The following PARM1 variants were observed in gnomAD, a reference collection of about 807,000 sequenced individuals.
PARM1 encodes the protein WSC4, cell wall integrity and stress response component 4 homolog.
In PARM1, 14 loss-of-function variants were observed where a neutral mutation model predicts 24.6. The ratio of observed to expected loss-of-function variants is 0.57; its 90% confidence interval spans 0.38 to 0.89. The LOEUF (loss-of-function observed/expected upper bound fraction) is 0.89, where lower values mean the gene tolerates loss of function less well. Among genes scored for constraint, PARM1 ranks in the 40% least tolerant of loss-of-function variants. The pLI is 0.00. For synonymous variants in PARM1, 179 were observed against 156.6 expected, an observed-to-expected ratio of 1.14 and a Z score of -1.07; for missense variants, 362 against 380.4, an observed-to-expected ratio of 0.95 and a Z score of 0.40.
intron 2 of PARM1, among the ~76,000 whole-genome samples, chr4:75,024,960 G>T (rs1163047606): frequency 6.6e-6 from 1 of 152,322 alleles, no homozygotes; most frequent in Non-Finnish European, 1.5e-5. Context: ...CTCCCAAAGT[G>T]CCGGGATTAC....
chr4:75,009,351 A>G, intron 1 of PARM1, among the ~76,000 whole-genome samples: 1 of 152,364 alleles, frequency 6.6e-6, no homozygotes, highest in East Asian at 1.9e-4. Flanking sequence ...AGCAGATTTT[A>G]GCCTAGTACC....
chr4:75,007,204 T>A (rs1722789954), intron 1 of PARM1, among the ~76,000 whole-genome samples: 1 of 152,150 alleles, frequency 6.6e-6, no homozygotes, highest in Admixed American at 6.5e-5. Flanking sequence ...AGAATGGTGA[T>A]CATTAAAAAG....
At position 74,993,250 on chromosome 4, in the gene PARM1, G is replaced by T. The variant is rs565190387; in HGVS notation, c.44-19175G>T. Among the ~76,000 whole-genome samples, 3 of 152,224 alleles carry T rather than the reference G, an allele frequency of 2.0e-5. No homozygotes were observed. The South Asian group carries it at 6.2e-4, about 32-fold the overall frequency. On this transcript the variant is annotated intron_variant, in intron 1 of 3. Coordinates refer to ENST00000307428, the MANE Select transcript of PARM1 (RefSeq NM_015393.4). ...GAAGCCCATGTGGCAAAGAACTGAG[G>T]GTAGCCTCTGGCCAGTAGCCATGAA...
At position 75,007,974 on chromosome 4, in the gene PARM1, C is replaced by T. The variant is rs571370030; in HGVS notation, c.44-4451C>T. 4.3e-4 allele frequency among the ~76,000 whole-genome samples: 65 copies of T among 152,216 alleles called. 1 individual carries two copies. In the South Asian group the frequency reaches 0.01, roughly 24 times the overall value. On this transcript the variant is annotated intron_variant, in intron 1 of 3. Coordinates refer to ENST00000307428, the MANE Select transcript of PARM1 (RefSeq NM_015393.4). ...TTGAGCTTCCTAGCCTTTACAACTG[C>T]GAAAATTAAATTTCTGTTGTTTAAG...
chr4:74,941,596 A>C (rs1721311584), intron 1 of PARM1, among the ~76,000 whole-genome samples: 1 of 152,238 alleles, frequency 6.6e-6, no homozygotes, highest in South Asian at 2.1e-4. Context: ...CTTCAAATTT[A>C]TATGAATATA....
At chr4:74,947,584 GATA>G (rs1317717928) in intron 1 of PARM1, among the ~76,000 whole-genome samples, 2 of 152,112 alleles carry the variant, frequency 1.3e-5, no homozygotes, top group Admixed American at 6.5e-5. Context: ...TTTTCAATAT[GATA>G]ATAATATAAC....
At chr4:74,934,062 A>G (rs1247063778) in intron 1 of PARM1, among the ~76,000 whole-genome samples, 2 of 152,064 alleles carry the variant, frequency 1.3e-5, no homozygotes. Context: ...CTCCCCCTGC[A>G]CCACCTCTGA....
At chr4:74,997,335 C>G (rs1259168916) in intron 1 of PARM1, among the ~76,000 whole-genome samples, 1 of 152,190 alleles carries the variant, frequency 6.6e-6, no homozygotes, top group East Asian at 1.9e-4. Context: ...AAAAAGTTCT[C>G]TCTCTCTGAT....
At chr4:75,039,743 A>T (rs190754670) in intron 3 of PARM1, among the ~76,000 whole-genome samples, 1 of 151,444 alleles carries the variant, frequency 6.6e-6, no homozygotes, top group Non-Finnish European at 1.5e-5. Context: ...CTCCAAACAC[A>T]CTCTCTGCTG....
At chr4:74,942,475 T>C (rs990829038) in intron 1 of PARM1, among the ~76,000 whole-genome samples, 1 of 152,254 alleles carries the variant, frequency 6.6e-6, no homozygotes, top group Non-Finnish European at 1.5e-5. Context: ...TATCCAAAAC[T>C]GAGCTCCTAG....
rs543739567 is a variant in PARM1, at chr4:75,030,054, C to T, written c.770-3829C>T. On this transcript the variant is annotated intron_variant, in intron 2 of 3. Coordinates refer to ENST00000307428, the MANE Select transcript of PARM1 (RefSeq NM_015393.4). ...TGAATAGAAATGACCTAGGGAAGCACATAAACATAATACAGAATGCTTGAA... is the reference window on the plus strand; with the variant it reads ...TGAATAGAAATGACCTAGGGAAGCATATAAACATAATACAGAATGCTTGAA... Among the ~76,000 whole-genome samples the T allele has an allele frequency of 4.6e-5, 7 of 152,126 alleles. No homozygotes were observed. The South Asian group carries it at 1.5e-3, about 32-fold the overall frequency.
chr4:74,981,420 G>T (rs752858445), intron 1 of PARM1, among the ~76,000 whole-genome samples: 1 of 151,912 alleles, frequency 6.6e-6, no homozygotes, highest in African/African-American at 2.4e-5. Flanking sequence ...AATCAAAACC[G>T]CAATGAGATA....
Position 75,012,798 on chromosome 4 carries a change from G to A in PARM1, c.417G>A (p.Ser139=), listed in dbSNP as rs555343310. Residue 139 remains serine, a synonymous_variant, in exon 2 of 4, where the codon TCG becomes TCA. Coordinates refer to ENST00000307428, the MANE Select transcript of PARM1 (RefSeq NM_015393.4). ...AAGCAGGCGTGGCAGCTACACTGTC[G>A]CAGTCCGCTGCTGAGCCTCCCACAC... ...TPEAGVAATL[S]QSAAEPPTLI... is the part of the protein sequence containing the mutation. The A allele has an allele frequency of 2.2e-5, 36 of 1,613,888 alleles. No homozygotes were observed. In the South Asian group the frequency reaches 2.6e-4, roughly 12 times the overall value.
chr4:74,983,427 C>G (rs887888611), intron 1 of PARM1, among the ~76,000 whole-genome samples: 6 of 152,186 alleles, frequency 3.9e-5, no homozygotes, highest in Admixed American at 3.3e-4. Flanking sequence ...TGTCACAGAA[C>G]TTCAGTGATG....
chr4:75,033,614 C>G (rs1261660929), intron 2 of PARM1, among the ~76,000 whole-genome samples: 3 of 152,154 alleles, frequency 2.0e-5, no homozygotes, highest in Non-Finnish European at 4.4e-5. Context: ...TGACTAAGTA[C>G]TCCTCTCTAA....
At chr4:75,031,919 G>C (rs1723283910) in intron 2 of PARM1, among the ~76,000 whole-genome samples, 1 of 152,148 alleles carries the variant, frequency 6.6e-6, no homozygotes, top group South Asian at 2.1e-4. Flanking sequence ...CAAGGCTTCA[G>C]TGAACTTTGA....
chr4:74,972,699 C>A (rs1722061866), intron 1 of PARM1, among the ~76,000 whole-genome samples: 1 of 142,416 alleles, frequency 7.0e-6, no homozygotes, highest in Admixed American at 7.2e-5. Flanking sequence ...TTCATGATTT[C>A]TTTTTCCGAT....
intron 1 of PARM1, among the ~76,000 whole-genome samples, chr4:74,960,921 C>T (rs564962828): frequency 3.8e-4 from 58 of 150,878 alleles, no homozygotes; most frequent in Admixed American, 1.3e-3. Flanking sequence ...AGGAGAATGG[C>T]GTGAACCCGG....
intron 1 of PARM1, among the ~76,000 whole-genome samples, chr4:74,934,345 A>C (rs1279121181): frequency 6.6e-6 from 1 of 152,206 alleles, no homozygotes; most frequent in Non-Finnish European, 1.5e-5. Context: ...TGTGACCCAA[A>C]GTCACATAGC....
Sources: allele counts gnomAD v4.1 joint callset (sites outside exome capture counted in the v4.1 genomes callset), GRCh38; gene constraint gnomAD v4.1.1; transcripts MANE v1.5; gene names NCBI Gene and HGNC (gene_info 2026-07-23, HGNC 2026-07-21).